Variants in HPS4 observed in about 807,000 individuals in gnomAD.
HPS4 encodes HPS4 biogenesis of lysosomal organelles complex 3 subunit 2, also known as BLOC-3 complex member HPS4.
Under a neutral mutation model 70.3 loss-of-function variants are expected in HPS4, and 44 were observed. The ratio of observed to expected loss-of-function variants is 0.63; its 90% CI spans 0.49 to 0.80. The LOEUF (loss-of-function observed/expected upper bound fraction) is 0.80. HPS4 is among the 30% of genes least tolerant of loss of function. The pLI is 0.00. For synonymous variants in HPS4, 377 were observed against 355.9 expected (o/e 1.06, Z -0.67); for missense variants, 873 against 884.4 (o/e 0.99, Z 0.16).
chr22:26,473,768 A>G (rs1348879887), intron 4 of HPS4, among the ~76,000 whole-genome samples: 3 of 152,212 alleles, frequency 2.0e-5, no homozygotes, highest in Non-Finnish European at 4.4e-5. Flanking sequence ...TTGCTGAGTT[A>G]GAAAGTTATC....
In HPS4 at chr22:26,481,816, C is replaced by T; in HGVS notation, c.-54G>A. 1 of 1,537,094 alleles carries T rather than the reference C, an allele frequency of 6.5e-7. No homozygotes were observed. Among genetic ancestry groups the T allele is most frequent in the Non-Finnish European group, 9.0e-7 (1 of 1,109,854 alleles). On this transcript the variant is annotated 5_prime_UTR_variant, in exon 2 of 14. The change creates a new upstream start codon in the 5' untranslated region. Coordinates refer to ENST00000398145, the MANE Select transcript of HPS4 (RefSeq NM_022081.6). ...ATTTAGGTTTTCTTTTCCGGTATCA[C>T]TTCTTTCTCCCTAGCTGTGACCGTT...
Position 26,481,961 on chromosome 22 carries a change from T to G in HPS4, c.-199A>C. 2 of 612,804 alleles carry G rather than the reference T, an allele frequency of 3.3e-6. No individual in the cohort carries two copies. Among genetic ancestry groups the G allele is most frequent in the East Asian group, 5.8e-5 (2 of 34,746 alleles). 38.0% of individuals were successfully genotyped at this position (612,804 alleles called of 1,614,324 possible). ...TTCCACTTCCCTTCCTTGCAGGTTCTTCAGTTTCATGTATATTTCCATGCC... is the reference window on the plus strand; with the variant it reads ...TTCCACTTCCCTTCCTTGCAGGTTCGTCAGTTTCATGTATATTTCCATGCC... On this transcript the variant is annotated 5_prime_UTR_variant, in exon 2 of 14. Transcript: ENST00000398145.
rs1327749520 is a variant in HPS4, at chr22:26,483,736, G to A, written c.-541C>T. 8 of 458,180 alleles carry A rather than the reference G, an allele frequency of 1.7e-5. No individual in the cohort carries two copies. Among genetic ancestry groups the A allele is most frequent in the Non-Finnish European group, 2.9e-5 (8 of 277,148 alleles). 28.4% of individuals were successfully genotyped at this position (458,180 alleles called of 1,614,324 possible). On this transcript the variant is annotated 5_prime_UTR_variant, in exon 1 of 14. Coordinates refer to ENST00000398145, the MANE Select transcript of HPS4 (RefSeq NM_022081.6). ...CTCTGGACCAGAAATGTGGGCAGCAGCTGGGTACCTGCGACTTCTGCCCCG... is the reference window on the plus strand; with the variant it reads ...CTCTGGACCAGAAATGTGGGCAGCAACTGGGTACCTGCGACTTCTGCCCCG...
chr22:26,445,338 A>G (rs954835534), intron 3 of HPS4, among the ~76,000 whole-genome samples: 1 of 152,182 alleles, frequency 6.6e-6, no homozygotes, highest in Non-Finnish European at 1.5e-5. Flanking sequence ...TGTCCAAAAA[A>G]AAAGACTTGC....
Position 26,450,928 on chromosome 22 carries a change from G to A in HPS4, c.*2305C>T, listed in dbSNP as rs2085137488. 6.6e-6 allele frequency among the ~76,000 whole-genome samples: 1 copy of A among 152,166 alleles called. No homozygotes were observed. On this transcript the variant is annotated 3_prime_UTR_variant, in exon 14 of 14. Coordinates refer to ENST00000398145, the MANE Select transcript of HPS4 (RefSeq NM_022081.6). The stretch of plus-strand genomic sequence containing the variant: ...TCTCGGGTATGTCTTTATTAGAACC[G>A]TGAGAACGGACTAACACACCACTAT...
intron 2 of HPS4, among the ~76,000 whole-genome samples, chr22:26,481,391 A>G (rs1188481278): frequency 6.6e-6 from 1 of 152,186 alleles, no homozygotes; most frequent in East Asian, 1.9e-4. Context: ...TGTAATTCTC[A>G]AATGCAACCA....
At chr22:26,444,367 G>A (rs1431222736) in exon 4 of HPS4, 1 of 152,202 alleles carries the variant, frequency 6.6e-6, no homozygotes, top group Non-Finnish European at 1.5e-5. Context: ...GTGTGTGCTA[G>A]TGAGGAGACA....
chr22:26,448,554 A>G (rs1233151046), downstream of HPS4, among the ~76,000 whole-genome samples: 2 of 152,172 alleles, frequency 1.3e-5, no homozygotes, highest in African/African-American at 4.8e-5. Flanking sequence ...CCCTTTCCTC[A>G]GGGTGCTTGG....
At chr22:26,482,533 A>G (rs1206704480) in intron 1 of HPS4, among the ~76,000 whole-genome samples, 1 of 152,220 alleles carries the variant, frequency 6.6e-6, no homozygotes, top group Non-Finnish European at 1.5e-5. Flanking sequence ...AATGGAACCC[A>G]AATTAAGGAA....
rs776631201 is a variant in HPS4 at position 26,457,820 on chromosome 22, C to T, written c.1955+39G>A. 8 of 1,491,788 alleles carry T rather than the reference C, an allele frequency of 5.4e-6. No individual in the cohort carries two copies. In the Admixed American group the frequency reaches 1.0e-4, roughly 19 times the overall value. 92.4% of individuals were successfully genotyped at this position (1,491,788 alleles called of 1,614,324 possible). On this transcript the variant is annotated intron_variant, in intron 13 of 13. Transcript: ENST00000398145. The stretch of plus-strand genomic sequence containing the variant: ...CACAGGTGGTTCCCATGAGCAGGAC[C>T]GTGGAGAGTAGGTTGGGGAGCGACT...
chr22:26,465,418 G>C, intron 10 of HPS4, 37 bp downstream of exon 10: 1 of 1,438,122 alleles, frequency 7.0e-7, no homozygotes, highest in East Asian at 2.3e-5. Flanking sequence ...GGTCCCTCAG[G>C]TGTGGTGCAA....
intron 1 of HPS4, 140 bp downstream of exon 1, chr22:26,483,534 G>T (rs41281587): frequency 5.9e-6 from 1 of 168,602 alleles, no homozygotes; most frequent in Non-Finnish European, 1.3e-5. Flanking sequence ...AACAGCACTA[G>T]GGCTGTGCGG....
chr22:26,465,368 G>T, intron 10 of HPS4, 87 bp downstream of exon 10: 1 of 877,988 alleles, frequency 1.1e-6, no homozygotes, highest in Non-Finnish European at 2.0e-6. Flanking sequence ...GGAACGATGG[G>T]ATGTATCAGA....
intron 11 of HPS4, among the ~76,000 whole-genome samples, chr22:26,462,367 C>T (rs2087474658): frequency 6.6e-6 from 1 of 152,148 alleles, no homozygotes; most frequent in Non-Finnish European, 1.5e-5. Context: ...AAGGGCAGGG[C>T]AGTGGGGGGA....
At chr22:26,456,191 A>G (rs4822721) in intron 13 of HPS4, among the ~76,000 whole-genome samples, 131,684 of 152,212 alleles carry the variant, frequency 0.87, 57,565 homozygotes, top group Non-Finnish European at 0.93. Context: ...CATGCCCCTC[A>G]CACTGGACCA....
intron 8 of HPS4, 84 bp from the exon 9 acceptor site, chr22:26,466,346 GTTCATAAAA>G: frequency 6.6e-7 from 1 of 1,508,426 alleles, no homozygotes; most frequent in Non-Finnish European, 9.2e-7. Context: ...TGTGCCATCT[GTTCATAAAA>G]CTTAGCCAGG....
chr22:26,453,554 G>T (rs1407193095), intron 13 of HPS4, 150 bp from the exon 14 acceptor site: 1 of 823,698 alleles, frequency 1.2e-6, no homozygotes, highest in Non-Finnish European at 2.0e-6. Flanking sequence ...TATTTCTTCA[G>T]CTGAGTTTCA....
downstream of HPS4, chr22:26,443,188 C>G (rs779101531): frequency 6.2e-7 from 1 of 1,614,120 alleles, no homozygotes; most frequent in Non-Finnish European, 8.5e-7. Flanking sequence ...TTGATTTCAT[C>G]TTTGCTCCGG....
Position 26,453,139 on chromosome 22 carries a change from T to C in HPS4, c.*94A>G. 1 of 1,309,142 alleles carries C rather than the reference T, an allele frequency of 7.6e-7. No homozygotes were observed. The highest frequency in any genetic ancestry group is 1.3e-5 in the South Asian group (1 of 79,760). 81.1% of individuals were successfully genotyped at this position (1,309,142 alleles called of 1,614,324 possible). On this transcript the variant is annotated 3_prime_UTR_variant, in exon 14 of 14. Transcript: ENST00000398145. ...TTTGGTTCCTAAAAAAGGGAATGTT[T>C]TCAAGAAAAATAAAATAGAGGGGCC...
Sources: gnomAD v4.1 joint callset for allele counts (sites outside exome capture counted in the v4.1 genomes callset) on GRCh38, gnomAD v4.1.1 for gene constraint, MANE v1.5 for transcripts, NCBI Gene and HGNC (gene_info 2026-07-23, HGNC 2026-07-21) for gene names.